The following SPATA16 variants were observed in gnomAD, a reference collection of about 807,000 sequenced individuals.
The protein encoded by SPATA16 is spermatogenesis associated 16.
Under a neutral mutation model 63.3 loss-of-function variants are expected in SPATA16, and 36 were observed. The ratio of observed to expected loss-of-function variants is 0.57; its 90% CI spans 0.44 to 0.75. SPATA16 has a LOEUF of 0.75. SPATA16 is among the 30% of genes least tolerant of loss of function. SPATA16 has a pLI of 0.00. For synonymous variants in SPATA16, 203 were observed against 216.7 expected (o/e 0.94, Z 0.56); for missense variants, 646 against 679.3 (o/e 0.95, Z 0.54).
chr3:173,036,636 G>C (rs534396168), intron 3 of SPATA16, among the ~76,000 whole-genome samples: 1 of 152,060 alleles, frequency 6.6e-6, no homozygotes, highest in African/African-American at 2.4e-5. Context: ...AAGTCTTGGT[G>C]TAGTATCAAA....
chr3:172,913,730 C>T lies in SPATA16; in HGVS notation c.1518G>A (p.Met506Ile). 5 of 1,613,646 alleles carry T rather than the reference C, an allele frequency of 3.1e-6. No individual in the cohort carries two copies. The highest frequency in any genetic ancestry group is 4.2e-6 in the Non-Finnish European group (5 of 1,179,726). The change falls in exon 10 of 11, where the codon ATG becomes ATA. Residue 506 changes from methionine to isoleucine, a missense_variant. Physicochemically the swap from Met to Ile is conservative, Grantham distance 10. Coordinates refer to ENST00000351008, the MANE Select transcript of SPATA16 (RefSeq NM_031955.6). ...QQEAELLQSL[M>I]ADAMDTLEGR... ...CTTCAAGGGTGTCCATAGCATCTGC[C>T]ATTAGTGACTGCAGCTGTGGCACCA... is the stretch of plus-strand genomic sequence containing the variant.
intron 2 of SPATA16, among the ~76,000 whole-genome samples, chr3:173,051,351 T>TGCCC (rs1736087667): frequency 6.6e-6 from 1 of 152,078 alleles, no homozygotes; most frequent in Non-Finnish European, 1.5e-5. Flanking sequence ...TACAGGCAAG[T>TGCCC]GCCACCACGC....
chr3:172,981,791 A>G (rs1734325694), intron 4 of SPATA16, among the ~76,000 whole-genome samples: 1 of 152,224 alleles, frequency 6.6e-6, no homozygotes, highest in Admixed American at 6.5e-5. Flanking sequence ...GGGTCAGCAT[A>G]TTATGGTCTG....
At chr3:173,021,245 A>G (rs1052256584) in intron 3 of SPATA16, among the ~76,000 whole-genome samples, 3 of 152,222 alleles carry the variant, frequency 2.0e-5, no homozygotes, top group South Asian at 4.1e-4. Context: ...ACTTTCTAAA[A>G]TCATGCATAA....
intron 5 of SPATA16, among the ~76,000 whole-genome samples, chr3:172,962,230 G>A (rs374580073): frequency 1.0e-3 from 133 of 127,352 alleles, no homozygotes; most frequent in African/African-American, 4.0e-3. Context: ...CTCCAGCCTG[G>A]GCAACAGAGC....
intron 4 of SPATA16, among the ~76,000 whole-genome samples, chr3:172,994,054 C>A (rs929394412): frequency 6.6e-6 from 1 of 152,052 alleles, no homozygotes; most frequent in Non-Finnish European, 1.5e-5. Flanking sequence ...ATTCCCAATA[C>A]TTTTGTTGAC....
chr3:172,911,926 C>T (rs1326248027), intron 10 of SPATA16, among the ~76,000 whole-genome samples: 1 of 152,178 alleles, frequency 6.6e-6, no homozygotes, highest in East Asian at 1.9e-4. Flanking sequence ...ATTTCTGTAG[C>T]CCCTCAATCT....
At chr3:173,009,599 A>T (rs1735016488) in intron 4 of SPATA16, among the ~76,000 whole-genome samples, 3 of 152,204 alleles carry the variant, frequency 2.0e-5, no homozygotes, top group Admixed American at 2.0e-4. Flanking sequence ...GCTCTTTCGC[A>T]TGCCCTTAGG....
At chr3:173,104,219 A>G (rs1256656568) in intron 2 of SPATA16, among the ~76,000 whole-genome samples, 1 of 152,202 alleles carries the variant, frequency 6.6e-6, no homozygotes, top group East Asian at 1.9e-4. Flanking sequence ...AAGAAGTTCC[A>G]AAGTTTCCCT....
chr3:172,896,806 T>G (rs1156534285), intron 10 of SPATA16, among the ~76,000 whole-genome samples: 1 of 152,118 alleles, frequency 6.6e-6, no homozygotes, highest in Non-Finnish European at 1.5e-5. Flanking sequence ...TTTTTACTCC[T>G]GAATTTTAAG....
intron 2 of SPATA16, among the ~76,000 whole-genome samples, chr3:173,074,451 G>A (rs781412010): frequency 1.4e-4 from 21 of 152,158 alleles, no homozygotes; most frequent in Non-Finnish European, 1.6e-4. Context: ...TCTCGTGGTA[G>A]TGAATAAGTC....
chr3:172,974,243 CT>C (rs1734106851), intron 5 of SPATA16, among the ~76,000 whole-genome samples: 1 of 151,966 alleles, frequency 6.6e-6, no homozygotes, highest in Non-Finnish European at 1.5e-5. Flanking sequence ...GAATAACCAA[CT>C]AAAATGGTAT....
At chr3:172,988,688 G>C (rs775860634) in intron 4 of SPATA16, among the ~76,000 whole-genome samples, 2 of 151,894 alleles carry the variant, frequency 1.3e-5, no homozygotes, top group African/African-American at 2.4e-5. Context: ...TATCACCTAG[G>C]TGCAATGGTG....
At chr3:173,072,425 T>C (rs1381671715) in intron 2 of SPATA16, among the ~76,000 whole-genome samples, 1 of 152,228 alleles carries the variant, frequency 6.6e-6, no homozygotes, top group Non-Finnish European at 1.5e-5. Context: ...AAATCTCATC[T>C]TGAATTTTAG....
chr3:172,922,167 A>G (rs1732627285), intron 8 of SPATA16, among the ~76,000 whole-genome samples: 1 of 152,242 alleles, frequency 6.6e-6, no homozygotes, highest in Non-Finnish European at 1.5e-5. Context: ...CTGAGCAAAT[A>G]ATAAGAAACC....
intron 4 of SPATA16, among the ~76,000 whole-genome samples, chr3:173,011,733 G>T (rs1359648815): frequency 6.6e-6 from 1 of 152,156 alleles, no homozygotes; most frequent in African/African-American, 2.4e-5. Flanking sequence ...ACTGATAAAT[G>T]ACTTCAGTAA....
chr3:173,140,846 A>G (rs1357664249), intron 1 of SPATA16, among the ~76,000 whole-genome samples: 1 of 152,204 alleles, frequency 6.6e-6, no homozygotes, highest in African/African-American at 2.4e-5. Context: ...GGGGAAGGAT[A>G]GGGTGACCCG....
Position 172,916,405 on chromosome 3 carries a change from T to G in SPATA16, c.1415A>C (p.Lys472Thr), listed in dbSNP as rs941748173. The G allele has an allele frequency of 1.9e-6, 3 of 1,613,774 alleles. No homozygotes were observed. In the African/African-American group the frequency reaches 4.0e-5, roughly 22 times the overall value. Residue 472 changes from lysine to threonine, a missense_variant, in exon 9 of 11, where the codon AAG (lysine) becomes ACG (threonine). Lys to Thr is a moderately conservative substitution (Grantham distance 78). Transcript: ENST00000351008. ...ASLLSQLQRV[K>T]EQSQVINQAM... Reference sequence around the variant, plus strand: ...TTGATTAATCACCTGGGACTGCTCCTTTACTCTCTGCAGCTGGCTGAGGAG... The same window carrying G: ...TTGATTAATCACCTGGGACTGCTCCGTTACTCTCTGCAGCTGGCTGAGGAG...
intron 2 of SPATA16, among the ~76,000 whole-genome samples, chr3:173,094,674 G>GT (rs1208060947): frequency 5.8e-5 from 8 of 137,204 alleles, no homozygotes; most frequent in African/African-American, 1.9e-4. Context: ...TGTTATGGGA[G>GT]TTGTTTTTTT....
Sources: gnomAD v4.1 joint callset for allele counts (sites outside exome capture counted in the v4.1 genomes callset) on GRCh38, gnomAD v4.1.1 for gene constraint, MANE v1.5 for transcripts, NCBI Gene and HGNC (gene_info 2026-07-23, HGNC 2026-07-21) for gene names.